Variants in SORBS2 observed in about 807,000 individuals in gnomAD.
The protein encoded by SORBS2 is sorbin and SH3 domain containing 2, also known as sorbin and SH3 domain-containing protein 2.
Under a neutral mutation model 97.7 loss-of-function variants are expected in SORBS2, and 46 were observed. The ratio of observed to expected loss-of-function variants is 0.47; its 90% CI spans 0.37 to 0.60. The LOEUF (loss-of-function observed/expected upper bound fraction) is 0.60, where lower values mean the gene tolerates loss of function less well. Among genes scored for constraint, SORBS2 ranks in the 20% least tolerant of loss-of-function variants. SORBS2 has a pLI of 0.00. For missense variants in SORBS2, 1,316 were observed against 1,282.3 expected, an observed-to-expected ratio of 1.03 and a Z score of -0.40; for synonymous variants, 476 against 473.4, an observed-to-expected ratio of 1.01 and a Z score of -0.07.
intron 11 of SORBS2, among the ~76,000 whole-genome samples, chr4:185,614,237 G>A (rs555462468): frequency 1.0e-3 from 146 of 142,488 alleles, no homozygotes; most frequent in Middle Eastern, 3.7e-3. Flanking sequence ...GATTACAGGC[G>A]TGAGCCACCA....
intron 2 of SORBS2, among the ~76,000 whole-genome samples, chr4:185,728,299 C>T (rs1275643700): frequency 6.6e-6 from 1 of 152,084 alleles, no homozygotes; most frequent in African/African-American, 2.4e-5. Flanking sequence ...GTTACTTAGG[C>T]AAATGTTTTC....
At chr4:185,830,780 C>A (rs1238127457) in intron 1 of SORBS2, among the ~76,000 whole-genome samples, 2 of 152,100 alleles carry the variant, frequency 1.3e-5, no homozygotes, top group African/African-American at 4.8e-5. Flanking sequence ...CTGTCTGAAC[C>A]CAAAACAAAC....
intron 2 of SORBS2, among the ~76,000 whole-genome samples, chr4:185,762,157 G>C (rs2098898373): frequency 6.6e-6 from 1 of 152,168 alleles, no homozygotes; most frequent in Admixed American, 6.5e-5. Flanking sequence ...GAATCAATGA[G>C]TAGGGACTAA....
chr4:185,855,136 A>T (rs1207628850), intron 1 of SORBS2, among the ~76,000 whole-genome samples: 1 of 152,200 alleles, frequency 6.6e-6, no homozygotes, highest in Non-Finnish European at 1.5e-5. Context: ...GGTCCAGGGC[A>T]TAGTTTTTCC....
chr4:185,857,377 G>GT (rs1337128379), intron 1 of SORBS2, among the ~76,000 whole-genome samples: 2 of 151,902 alleles, frequency 1.3e-5, no homozygotes, highest in African/African-American at 4.8e-5. Flanking sequence ...CATCATCTTC[G>GT]TAAGCTGAGG....
intron 1 of SORBS2, among the ~76,000 whole-genome samples, chr4:185,825,541 G>A (rs1022735434): frequency 6.6e-6 from 1 of 152,288 alleles, no homozygotes; most frequent in South Asian, 2.1e-4. Context: ...CCTGAAAGTC[G>A]ATCAGAAGGA....
At chr4:185,677,795 T>G (rs562161904) in intron 4 of SORBS2, among the ~76,000 whole-genome samples, 5 of 152,322 alleles carry the variant, frequency 3.3e-5, no homozygotes, top group Admixed American at 3.3e-4. Context: ...TTAGCTAGAT[T>G]GAGTGATCAT....
chr4:185,877,867 C>CGAAAAAAAAA (rs2099234463), intron 1 of SORBS2, among the ~76,000 whole-genome samples: 1 of 50,462 alleles, frequency 2.0e-5, no homozygotes, highest in Non-Finnish European at 3.8e-5. Context: ...GAGACTCTGT[C>CGAAAAAAAAA]AAAAAACAAA....
chr4:185,846,064 A>G (rs1000306954), intron 1 of SORBS2, among the ~76,000 whole-genome samples: 54 of 152,246 alleles, frequency 3.5e-4, no homozygotes, highest in African/African-American at 1.2e-3. Context: ...TCCAAGAGAA[A>G]TGAAAACATA....
chr4:185,687,874 T>A (rs1349973720), intron 2 of SORBS2, among the ~76,000 whole-genome samples: 1 of 152,222 alleles, frequency 6.6e-6, no homozygotes, highest in African/African-American at 2.4e-5. Context: ...TTGAAGATAT[T>A]TTTAAGATCT....
intron 1 of SORBS2, among the ~76,000 whole-genome samples, chr4:185,890,067 A>G (rs1392813151): frequency 6.6e-6 from 1 of 151,990 alleles, no homozygotes; most frequent in Non-Finnish European, 1.5e-5. Flanking sequence ...TTGTATTTTT[A>G]GTAGAGATAG....
intron 2 of SORBS2, among the ~76,000 whole-genome samples, chr4:185,719,545 C>T (rs919993966): frequency 1.3e-5 from 2 of 152,180 alleles, no homozygotes; most frequent in African/African-American, 4.8e-5. Flanking sequence ...AGAAAAAGTG[C>T]TATGCTTCAA....
chr4:185,589,359 A>G, intron 14 of SORBS2: 1 of 295,982 alleles, frequency 3.4e-6, no homozygotes, highest in South Asian at 4.0e-5. Context: ...CAGAGCGTTG[A>G]TATTTCTCTT....
intron 1 of SORBS2, among the ~76,000 whole-genome samples, chr4:185,889,006 T>C (rs2099241112): frequency 6.6e-6 from 1 of 152,252 alleles, no homozygotes; most frequent in Non-Finnish European, 1.5e-5. Context: ...ACTGCTGTCA[T>C]TATGCCTTGT....
chr4:185,671,453 A>C (rs2097711403), intron 4 of SORBS2, among the ~76,000 whole-genome samples: 1 of 152,200 alleles, frequency 6.6e-6, no homozygotes, highest in Non-Finnish European at 1.5e-5. Context: ...CAACTTGTTT[A>C]ATTTCCTTGG....
At chr4:185,774,099 A>G (rs964635074) in intron 2 of SORBS2, 1 of 152,178 alleles carries the variant, frequency 6.6e-6, no homozygotes, top group African/African-American at 2.4e-5. Flanking sequence ...CTGAAAAAAA[A>G]GTATTTCTGA....
chr4:185,646,420 T>A, intron 4 of SORBS2: 1 of 292,124 alleles, frequency 3.4e-6, no homozygotes, highest in Non-Finnish European at 5.9e-6. Flanking sequence ...TGTGTGTGTA[T>A]ATATATATAT....
rs762017646 is a variant in SORBS2, at chr4:185,620,060, T to C, written c.2304+3A>G. The C allele has an allele frequency of 2.5e-6, 4 of 1,575,130 alleles. No individual in the cohort carries two copies. The African/African-American group carries it at 4.0e-5, about 16-fold the overall frequency. ...AAGACTCCAATGCTATTAAATTAAC[T>C]ACCTCTTTTTCTGGAGTTCCTCTTC... On this transcript the variant is annotated splice_donor_region_variant and intron_variant, in intron 8 of 14. Coordinates refer to ENST00000418609, the Ensembl canonical transcript of SORBS2.
intron 2 of SORBS2, among the ~76,000 whole-genome samples, chr4:185,650,640 G>A (rs951308317): frequency 3.3e-5 from 5 of 152,146 alleles, no homozygotes; most frequent in South Asian, 2.1e-4. Context: ...ATTTGTACCC[G>A]TTCGCTTCTC....
Sources: allele counts gnomAD v4.1 joint callset (sites outside exome capture counted in the v4.1 genomes callset), GRCh38; gene constraint gnomAD v4.1.1; transcripts MANE v1.5; gene names NCBI Gene and HGNC (gene_info 2026-07-23, HGNC 2026-07-21).